Variants in GUCY1A2 observed in about 807,000 individuals in gnomAD.
GUCY1A2 encodes the protein guanylate cyclase 1 soluble subunit alpha 2.
In GUCY1A2, 27 loss-of-function variants were observed where a neutral mutation model predicts 63.5. That is an observed-to-expected ratio of 0.43 (90% CI 0.31 to 0.59). The LOEUF (loss-of-function observed/expected upper bound fraction) is 0.59, where lower values mean the gene tolerates loss of function less well. Ranked by LOEUF, GUCY1A2 falls within the 20% of genes least tolerant of loss-of-function variation. The pLI is 0.11. For synonymous variants in GUCY1A2, 364 were observed against 343.5 expected, an observed-to-expected ratio of 1.06 and a Z score of -0.66; for missense variants, 768 against 913.3, an observed-to-expected ratio of 0.84 and a Z score of 2.05.
chr11:106,945,551 A>G (rs932992608), intron 3 of GUCY1A2, among the ~76,000 whole-genome samples: 1 of 152,262 alleles, frequency 6.6e-6, no homozygotes, highest in African/African-American at 2.4e-5. Flanking sequence ...GTATGTGTAC[A>G]TATACATCAT....
chr11:106,905,566 T>C (rs1473490877), intron 4 of GUCY1A2, among the ~76,000 whole-genome samples: 2 of 151,978 alleles, frequency 1.3e-5, no homozygotes, highest in African/African-American at 4.8e-5. Context: ...TCAGTCCATA[T>C]CACTTAGAGA....
chr11:106,848,462 G>T (rs1859307475), intron 4 of GUCY1A2, among the ~76,000 whole-genome samples: 1 of 151,578 alleles, frequency 6.6e-6, no homozygotes, highest in Non-Finnish European at 1.5e-5. Flanking sequence ...ATACACATTT[G>T]TTATAGTGAT....
At chr11:106,833,781 T>C (rs745789333) in intron 4 of GUCY1A2, among the ~76,000 whole-genome samples, 3 of 152,074 alleles carry the variant, frequency 2.0e-5, no homozygotes, top group Non-Finnish European at 4.4e-5. Flanking sequence ...TCTTAGACTT[T>C]TTAATGAGTC....
rs267602682 is a variant in GUCY1A2, at chr11:106,776,483, C to G, written c.1792G>C (p.Glu598Gln). 7.3e-5 allele frequency: 117 copies of G among 1,613,676 alleles called. 1 individual carries two copies. The highest frequency in any genetic ancestry group is 8.4e-5 in the Non-Finnish European group (99 of 1,179,756). ...GGTGTCAGCACCTCTTCTGAAAGTTCCATCATCTTCAAGGCCATCAGAGCA... is the reference window on the plus strand; with the variant it reads ...GGTGTCAGCACCTCTTCTGAAAGTTGCATCATCTTCAAGGCCATCAGAGCA... ...PIALMALKMMELSEEVLTPDG... is the reference protein window; with the variant it reads ...PIALMALKMMQLSEEVLTPDG... Residue 598 changes from glutamate (E) to glutamine (Q), a missense_variant, in exon 6 of 8, where the codon GAA becomes CAA. This residue lies in a region of GUCY1A2 where 150 missense variants were observed against 188.3 expected (regional missense o/e 0.80). Coordinates refer to ENST00000526355, the MANE Select transcript of GUCY1A2 (RefSeq NM_000855.3).
chr11:106,955,466 C>T (rs1245953433), intron 3 of GUCY1A2, among the ~76,000 whole-genome samples: 1 of 152,078 alleles, frequency 6.6e-6, no homozygotes, highest in Non-Finnish European at 1.5e-5. Context: ...ATATTTAGTG[C>T]TTCTTTTAGG....
At chr11:106,954,901 T>C (rs1311187224) in intron 3 of GUCY1A2, among the ~76,000 whole-genome samples, 2 of 152,176 alleles carry the variant, frequency 1.3e-5, no homozygotes, top group Non-Finnish European at 2.9e-5. Flanking sequence ...GTGTGTGTCT[T>C]TGCATTTAAG....
chr11:106,769,958 A>G (rs973737163), intron 6 of GUCY1A2, among the ~76,000 whole-genome samples: 6 of 152,136 alleles, frequency 3.9e-5, no homozygotes, highest in African/African-American at 1.4e-4. Context: ...GTTACCAAAT[A>G]CAGTCGACCC....
chr11:106,769,930 T>C lies in GUCY1A2; in HGVS notation c.1836+6509A>G, dbSNP rs557197962. Among the ~76,000 whole-genome samples, 5 of 152,196 alleles carry C rather than the reference T, an allele frequency of 3.3e-5. No individual in the cohort carries two copies. The South Asian group carries it at 6.2e-4, about 19-fold the overall frequency. On this transcript the variant is annotated intron_variant, in intron 6 of 7. Transcript: ENST00000526355. ...TTATAAATAAATAATTATCAAAGAA[T>C]CTTAGAAAATTAATTAGGTTACCAA...
chr11:106,900,072 C>T (rs1043119084), intron 4 of GUCY1A2, among the ~76,000 whole-genome samples: 4 of 134,344 alleles, frequency 3.0e-5, no homozygotes, highest in African/African-American at 5.7e-5. Context: ...GGCGACAGAG[C>T]GAGACTCCGT....
At chr11:106,994,906 G>C (rs1284029874) in intron 1 of GUCY1A2, among the ~76,000 whole-genome samples, 1 of 152,178 alleles carries the variant, frequency 6.6e-6, no homozygotes, top group Non-Finnish European at 1.5e-5. Flanking sequence ...AATAGGTCCA[G>C]TATGCTCATT....
In GUCY1A2 at chr11:106,686,027, T is replaced by C. The variant is rs1382618993; in HGVS notation, c.*1522A>G. ...CAAATCATAATGCAGCCAAAATCCC[T>C]GAACAGAAAAGAATATTGCATTCAG... is the stretch of plus-strand genomic sequence containing the variant. On this transcript the variant is annotated 3_prime_UTR_variant, in exon 8 of 8. Coordinates refer to ENST00000526355, the MANE Select transcript of GUCY1A2 (RefSeq NM_000855.3). 1 of 216,186 alleles carries C rather than the reference T, an allele frequency of 4.6e-6. No homozygotes were observed. Among genetic ancestry groups the C allele is most frequent in the African/African-American group, 2.3e-5 (1 of 44,392 alleles). The allele number at this position is 216,186 out of a possible 1,614,324, so 13.4% of individuals were successfully genotyped here.
intron 1 of GUCY1A2, among the ~76,000 whole-genome samples, chr11:106,999,311 C>T (rs1327643618): frequency 1.3e-5 from 2 of 152,112 alleles, no homozygotes; most frequent in Non-Finnish European, 2.9e-5. Context: ...TTAACATTTT[C>T]GTAACCTTAA....
At chr11:106,965,412 T>C (rs1358380384) in intron 3 of GUCY1A2, among the ~76,000 whole-genome samples, 1 of 152,232 alleles carries the variant, frequency 6.6e-6, no homozygotes, top group African/African-American at 2.4e-5. Flanking sequence ...TACATATGTA[T>C]ACATGTATGT....
chr11:106,950,800 A>C (rs962670230), intron 3 of GUCY1A2, among the ~76,000 whole-genome samples: 1 of 152,184 alleles, frequency 6.6e-6, no homozygotes, highest in Non-Finnish European at 1.5e-5. Flanking sequence ...AATGGGATAC[A>C]TGTGCAGAAC....
intron 6 of GUCY1A2, among the ~76,000 whole-genome samples, chr11:106,765,709 T>G (rs1394371291): frequency 6.6e-6 from 1 of 152,078 alleles, no homozygotes; most frequent in Non-Finnish European, 1.5e-5. Flanking sequence ...GATTACATGG[T>G]CATTTGACCA....
chr11:106,843,560 T>A (rs909098686), intron 4 of GUCY1A2, among the ~76,000 whole-genome samples: 4 of 151,802 alleles, frequency 2.6e-5, no homozygotes, highest in African/African-American at 9.7e-5. Flanking sequence ...GGAAAAAGGG[T>A]CAGAACTTCA....
intron 3 of GUCY1A2, among the ~76,000 whole-genome samples, chr11:106,941,154 C>T (rs1860747526): frequency 1.3e-5 from 2 of 152,120 alleles, no homozygotes; most frequent in African/African-American, 2.4e-5. Context: ...GTAAGGGCAG[C>T]CAAGCATGGA....
At chr11:106,871,301 G>A (rs1256215462) in intron 4 of GUCY1A2, among the ~76,000 whole-genome samples, 2 of 152,102 alleles carry the variant, frequency 1.3e-5, no homozygotes, top group African/African-American at 4.8e-5. Context: ...TTAGCGTTAT[G>A]TCAAGGTTTT....
chr11:106,703,081 A>G (rs916806335), intron 7 of GUCY1A2, among the ~76,000 whole-genome samples: 4 of 152,164 alleles, frequency 2.6e-5, no homozygotes, highest in Admixed American at 2.6e-4. Flanking sequence ...TGGAAAGATT[A>G]GACTGGTTTA....
Sources: allele counts gnomAD v4.1 joint callset (sites outside exome capture counted in the v4.1 genomes callset), GRCh38; gene constraint gnomAD v4.1.1; regional missense constraint gnomAD v4.1.1; transcripts MANE v1.5; gene names NCBI Gene and HGNC (gene_info 2026-07-23, HGNC 2026-07-21).